Variants in CASP6 observed in about 807,000 individuals in gnomAD.
The protein encoded by CASP6 is caspase-6.
Under a neutral mutation model 31.8 loss-of-function variants are expected in CASP6, and 20 were observed. That is an observed-to-expected ratio of 0.63 (90% CI 0.44 to 0.91). The LOEUF is 0.91. CASP6 is among the 40% of genes least tolerant of loss of function. The pLI is 0.00. For synonymous variants in CASP6, 130 were observed against 127.8 expected, an observed-to-expected ratio of 1.02 and a Z score of -0.12; for missense variants, 328 against 361.1, an observed-to-expected ratio of 0.91 and a Z score of 0.74.
upstream of CASP6, among the ~76,000 whole-genome samples, chr4:109,707,398 T>TC (rs2126164319): frequency 6.6e-6 from 1 of 152,000 alleles, no homozygotes; most frequent in East Asian, 1.9e-4. Context: ...TTTTTTTTTT[T>TC]TTTTTTTGAG....
intron 2 of CASP6, 82 bp from the exon 3 acceptor site, chr4:109,697,850 T>TC: frequency 6.8e-7 from 1 of 1,474,484 alleles, no homozygotes; most frequent in Non-Finnish European, 9.2e-7. Context: ...AACATGTAGA[T>TC]AGAGATCTGA....
chr4:109,706,156 T>C (rs1579118304), upstream of CASP6, among the ~76,000 whole-genome samples: 1 of 92,416 alleles, frequency 1.1e-5, no homozygotes, highest in Non-Finnish European at 2.0e-5. Context: ...TATATATATA[T>C]ATATATATAT....
In CASP6 at chr4:109,697,692, T is replaced by G; in HGVS notation, c.160A>C (p.Arg54=). The G allele has an allele frequency of 6.2e-7, 1 of 1,614,094 alleles. No homozygotes were observed. Among genetic ancestry groups the G allele is most frequent in the Non-Finnish European group, 8.5e-7 (1 of 1,179,982 alleles). Residue 54 remains arginine (R), a synonymous_variant, in exon 3 of 7, where the codon AGG becomes CGG. Coordinates refer to ENST00000265164, the MANE Select transcript of CASP6 (RefSeq NM_001226.4). ...RGIALIFNHE[R]FFWHLTLPER... ...GGCAGTGTTAAGTGCCAAAAGAACC[T>G]CTCATGATTGAAGATTAAAGCAATT...
chr4:109,684,037 T>C (rs1335934175), downstream of CASP6, among the ~76,000 whole-genome samples: 1 of 152,024 alleles, frequency 6.6e-6, no homozygotes, highest in Admixed American at 6.6e-5. Context: ...GTAATGCAGA[T>C]GTGCATTTGT....
the CASP6 span, among the ~76,000 whole-genome samples, chr4:109,669,921 T>G: frequency 1.3e-5 from 2 of 152,232 alleles, no homozygotes; most frequent in Non-Finnish European, 2.9e-5. Flanking sequence ...TGTTCTTGCA[T>G]GTTATCTACT....
chr4:109,694,488 G>A (rs965754410), intron 5 of CASP6, 37 bp downstream of exon 5: 1 of 1,484,310 alleles, frequency 6.7e-7, no homozygotes, highest in Non-Finnish European at 9.0e-7. Flanking sequence ...CAGAATGACA[G>A]ACTTTATAAT....
chr4:109,686,150 AT>A (rs926730522), downstream of CASP6, among the ~76,000 whole-genome samples: 1 of 152,150 alleles, frequency 6.6e-6, no homozygotes, highest in African/African-American at 2.4e-5. Context: ...TTTAATTTAA[AT>A]TTTTTTGAGA....
the CASP6 span, chr4:109,673,696 T>C: frequency 2.1e-6 from 1 of 486,704 alleles, no homozygotes; most frequent in African/African-American, 2.0e-5. Context: ...ATTGCAAATG[T>C]GGATTTGAAA....
At position 109,690,998 on chromosome 4, in the gene CASP6, T is replaced by A; in HGVS notation, c.495A>T (p.Gly165=). 2 of 1,611,148 alleles carry A rather than the reference T, an allele frequency of 1.2e-6. No homozygotes were observed. The highest frequency in any genetic ancestry group is 1.7e-6 in the Non-Finnish European group (2 of 1,178,730). Residue 165 remains glycine (G), a synonymous_variant, in exon 6 of 7, where the codon GGA becomes GGT. Transcript: ENST00000265164. The stretch of plus-strand genomic sequence containing the variant: ...GAATGACTGGCACATCGTGCTGGTT[T>A]CCCCGACATGCCTACAAGACAAGGA... ...PKIFIIQACR[G]NQHDVPVIPL...
intron 2 of CASP6, 77 bp downstream of exon 2, chr4:109,698,223 A>G: frequency 6.8e-7 from 1 of 1,480,088 alleles, no homozygotes; most frequent in Non-Finnish European, 9.2e-7. Context: ...CCCAGGACCC[A>G]TTCTTGCTTT....
chr4:109,701,746 T>G (rs5030528), intron 1 of CASP6, among the ~76,000 whole-genome samples: 2 of 152,180 alleles, frequency 1.3e-5, no homozygotes, highest in Non-Finnish European at 2.9e-5. Flanking sequence ...CATTTGTTGA[T>G]GGCCTGATGC....
the CASP6 span, chr4:109,682,949 G>A: frequency 2.1e-6 from 1 of 470,280 alleles, no homozygotes; most frequent in Non-Finnish European, 3.8e-6. Flanking sequence ...ATACATGGTA[G>A]AGCCTGGACT....
chr4:109,706,131 T>TATATTTATATATATA (rs60918624), upstream of CASP6, among the ~76,000 whole-genome samples: 1 of 36,110 alleles, frequency 2.8e-5, no homozygotes, highest in African/African-American at 1.3e-4. Context: ...CCTATCCATT[T>TATATTTATATATATA]TATATATATA....
downstream of CASP6, chr4:109,684,314 G>A (rs533664765): frequency 1.4e-3 from 839 of 609,670 alleles, 14 homozygotes; most frequent in East Asian, 0.024. Context: ...CGCCCACCTC[G>A]GCCTCCCAGA....
chr4:109,690,773 C>G (rs1041652102), intron 6 of CASP6, 77 bp downstream of exon 6: 2 of 1,479,198 alleles, frequency 1.4e-6, no homozygotes, highest in Non-Finnish European at 1.8e-6. Flanking sequence ...AAGATCTGAC[C>G]CAAACCAATC....
At chr4:109,682,474 CTGTGGATCCTAAGATAATATT>C in the CASP6 span, 2 of 866,138 alleles carry the variant, frequency 2.3e-6, no homozygotes, top group South Asian at 3.3e-5. Flanking sequence ...CTTCCTTACC[CTGTGGATCCTAAGATAATATT>C]TGGAAAGAGA....
At chr4:109,707,939 T>C (rs192980108), upstream of CASP6, among the ~76,000 whole-genome samples, 34 of 152,326 alleles carry the variant, frequency 2.2e-4, no homozygotes, top group Middle Eastern at 6.8e-3. Context: ...TCAGATTTGA[T>C]GAAACGGTGG....
the CASP6 span, among the ~76,000 whole-genome samples, chr4:109,670,392 A>T: frequency 2.0e-5 from 3 of 151,990 alleles, no homozygotes; most frequent in East Asian, 3.9e-4. Context: ...CTCTGGGAAA[A>T]TAATTTACCT....
intron 5 of CASP6, 73 bp from the exon 6 acceptor site, chr4:109,691,082 T>A: frequency 6.8e-7 from 1 of 1,470,212 alleles, no homozygotes; most frequent in Non-Finnish European, 9.1e-7. Flanking sequence ...GTGCAGTGAA[T>A]GTGTAAGCCA....
Sources: allele counts gnomAD v4.1 joint callset (sites outside exome capture counted in the v4.1 genomes callset), GRCh38; gene constraint gnomAD v4.1.1; transcripts MANE v1.5; gene names NCBI Gene and HGNC (gene_info 2026-07-23, HGNC 2026-07-21).